The following ZNF608 variants were observed in gnomAD, a reference collection of about 807,000 sequenced individuals.
ZNF608 encodes renal carcinoma antigen NY-REN-36.
Under a neutral mutation model 109.0 loss-of-function variants are expected in ZNF608, and 12 were observed. The observed-to-expected ratio is 0.11, with a 90% CI of 0.07 to 0.18. ZNF608 has a LOEUF of 0.18. Among genes scored for constraint, ZNF608 ranks in the 10% least tolerant of loss-of-function variants. The pLI is 1.00. For missense variants in ZNF608, 1,707 were observed against 1,879.3 expected (o/e 0.91, Z 1.70); for synonymous variants, 732 against 717.4 (o/e 1.02, Z -0.33).
intron 2 of ZNF608, among the ~76,000 whole-genome samples, chr5:124,729,061 A>T (rs1748759239): frequency 6.6e-6 from 1 of 152,198 alleles, no homozygotes; most frequent in Admixed American, 6.5e-5. Flanking sequence ...TTAAGCGCTC[A>T]TCTGCACAGG....
chr5:124,669,664 CA>C (rs1751635671), intron 3 of ZNF608, among the ~76,000 whole-genome samples: 2 of 151,460 alleles, frequency 1.3e-5, no homozygotes, highest in Non-Finnish European at 2.9e-5. Flanking sequence ...CACAAACACA[CA>C]CACACACACA....
intron 2 of ZNF608, among the ~76,000 whole-genome samples, chr5:124,715,562 T>C (rs1030490264): frequency 1.3e-5 from 2 of 152,196 alleles, no homozygotes; most frequent in African/African-American, 4.8e-5. Context: ...TGAATCATGA[T>C]TTAAATCAGT....
chr5:124,669,416 C>A (rs114629485), intron 3 of ZNF608, among the ~76,000 whole-genome samples: 27 of 152,272 alleles, frequency 1.8e-4, no homozygotes, highest in African/African-American at 6.5e-4. Context: ...AGCCACCACA[C>A]GGCCTGCTCT....
rs748021298 is a variant in ZNF608, at chr5:124,647,683, C to A, written c.2701G>T (p.Ala901Ser). The change falls in exon 5 of 10, where the codon GCC becomes TCC. Residue 901 changes from alanine to serine, a missense_variant. Physicochemically the swap from Ala to Ser is moderately conservative, Grantham distance 99. Coordinates refer to ENST00000513986, the MANE Select transcript of ZNF608 (RefSeq NM_020747.3). Reference protein sequence around the residue: ...DNAPSPSIGSASRLECSTLVN... With the variant: ...DNAPSPSIGSSSRLECSTLVN... ...AAAGTGCTGCATTCCAGCCTCGAGG[C>A]GCTCCCTATGGAAGGGCTGGGAGCG... 3.7e-6 allele frequency: 6 copies of A among 1,614,092 alleles called. No individual in the cohort carries two copies. In the African/African-American group the frequency reaches 4.0e-5, roughly 11 times the overall value.
chr5:124,647,285 C>T lies in ZNF608; in HGVS notation c.3099G>A (p.Glu1033=), dbSNP rs1750556276. 6.2e-7 allele frequency: 1 copy of T among 1,614,226 alleles called. No homozygotes were observed. Among genetic ancestry groups the T allele is most frequent in the Non-Finnish European group, 8.5e-7 (1 of 1,180,044 alleles). The change falls in exon 5 of 10, where the codon GAG becomes GAA. Residue 1033 remains glutamate, a synonymous_variant. Coordinates refer to ENST00000513986, the MANE Select transcript of ZNF608 (RefSeq NM_020747.3). ...GSTQGMKIKK[E]SEEDAEKKDK... is the part of the protein sequence containing the mutation. ...CTTTCTTTTCAGCATCTTCCTCAGA[C>T]TCCTTCTTGATCTTCATTCCCTGCG...
intron 3 of ZNF608, among the ~76,000 whole-genome samples, chr5:124,674,270 T>C (rs1488225530): frequency 6.6e-6 from 1 of 152,310 alleles, no homozygotes; most frequent in Non-Finnish European, 1.5e-5. Context: ...CATAATTGAG[T>C]GCAGTGGTTC....
chr5:124,705,891 T>A (rs778160052), intron 2 of ZNF608, among the ~76,000 whole-genome samples: 7 of 152,166 alleles, frequency 4.6e-5, no homozygotes, highest in Non-Finnish European at 8.8e-5. Flanking sequence ...TCAGCTCACC[T>A]CAACTCTTAT....
chr5:124,741,736 T>C (rs548606302), intron 2 of ZNF608, among the ~76,000 whole-genome samples: 15 of 152,342 alleles, frequency 9.8e-5, no homozygotes, highest in South Asian at 4.1e-4. Context: ...TAGAGTTACT[T>C]TCCTGGGTGG....
chr5:124,715,904 G>A (rs1164424100), intron 2 of ZNF608, among the ~76,000 whole-genome samples: 7 of 152,236 alleles, frequency 4.6e-5, no homozygotes, highest in Middle Eastern at 3.4e-3. Flanking sequence ...AGCACCTTGG[G>A]AGGCCGAGGC....
chr5:124,721,474 C>A (rs77471181), intron 2 of ZNF608, among the ~76,000 whole-genome samples: 115 of 152,178 alleles, frequency 7.6e-4, no homozygotes, highest in African/African-American at 2.7e-3. Flanking sequence ...CGCTCACACA[C>A]CACAGAACAA....
At position 124,681,389 on chromosome 5, in the gene ZNF608, G is replaced by A. The variant is rs1356438772; in HGVS notation, c.1162+19625C>T. On this transcript the variant is annotated intron_variant, in intron 3 of 9. Coordinates refer to ENST00000513986, the MANE Select transcript of ZNF608 (RefSeq NM_020747.3). The stretch of plus-strand genomic sequence containing the variant: ...GGAGAATCACTTGAACTAAGGAGGC[G>A]AAGGTTTCAGTGAGCTGAGATTGTG... 3.3e-5 allele frequency among the ~76,000 whole-genome samples: 5 copies of A among 152,186 alleles called. No individual in the cohort carries two copies. In the South Asian group the frequency reaches 6.2e-4, roughly 19 times the overall value.
chr5:124,696,931 A>T (rs980880264), intron 3 of ZNF608, among the ~76,000 whole-genome samples: 1 of 152,134 alleles, frequency 6.6e-6, no homozygotes, highest in African/African-American at 2.4e-5. Context: ...AGCTTTGACA[A>T]AACACCAATA....
chr5:124,653,729 A>G (rs1453089799), intron 3 of ZNF608, among the ~76,000 whole-genome samples: 10 of 152,190 alleles, frequency 6.6e-5, no homozygotes, highest in Admixed American at 1.3e-4. Context: ...AGCCAGCCCA[A>G]CAGGGACTTA....
chr5:124,721,933 C>T (rs1753924052), intron 2 of ZNF608, among the ~76,000 whole-genome samples: 1 of 52,258 alleles, frequency 1.9e-5, no homozygotes, highest in Non-Finnish European at 3.9e-5. Context: ...CAGAATGAGA[C>T]TCTGTCTCAA....
In ZNF608 at chr5:124,644,473, G is replaced by T; in HGVS notation, c.3894C>A (p.Ala1298=). 1 of 1,614,050 alleles carries T rather than the reference G, an allele frequency of 6.2e-7. No individual in the cohort carries two copies. Among genetic ancestry groups the T allele is most frequent in the Non-Finnish European group, 8.5e-7 (1 of 1,180,024 alleles). ...LTSIKEEPKE[A]KHPDSQSMEE... ...CCATTGATTGAGAATCAGGATGCTT[G>T]GCCTCTTTGGGCTCCTCTTTAATGC... The change falls in exon 6 of 10, where the codon GCC becomes GCA. Residue 1298 remains alanine (A), a synonymous_variant. Coordinates refer to ENST00000513986, the MANE Select transcript of ZNF608 (RefSeq NM_020747.3).
chr5:124,675,992 T>C (rs896120566), intron 3 of ZNF608, among the ~76,000 whole-genome samples: 1 of 152,122 alleles, frequency 6.6e-6, no homozygotes, highest in Admixed American at 6.6e-5. Flanking sequence ...CTAAAAGACA[T>C]GAGACAGCTG....
chr5:124,697,332 T>C (rs1359481646), intron 3 of ZNF608, among the ~76,000 whole-genome samples: 1 of 151,906 alleles, frequency 6.6e-6, no homozygotes, highest in Non-Finnish European at 1.5e-5. Context: ...TTTACACATA[T>C]TGCTATATAC....
chr5:124,733,437 T>C (rs1749000253), intron 2 of ZNF608, among the ~76,000 whole-genome samples: 1 of 152,030 alleles, frequency 6.6e-6, no homozygotes, highest in Non-Finnish European at 1.5e-5. Context: ...CAAACAAAAA[T>C]GCCCAGGCCC....
chr5:124,662,080 C>G (rs903535283), intron 3 of ZNF608, among the ~76,000 whole-genome samples: 1 of 152,168 alleles, frequency 6.6e-6, no homozygotes, highest in African/African-American at 2.4e-5. Flanking sequence ...GCTGCTGTTT[C>G]CTTTCCCCAT....
Sources: gnomAD v4.1 joint callset for allele counts (sites outside exome capture counted in the v4.1 genomes callset) on GRCh38, gnomAD v4.1.1 for gene constraint, MANE v1.5 for transcripts, NCBI Gene and HGNC (gene_info 2026-07-23, HGNC 2026-07-21) for gene names.